The following NAV2 variants were observed in gnomAD, a reference collection of about 807,000 sequenced individuals.
NAV2 encodes the protein helicase, APC down-regulated 1.
A neutral mutation model predicts 223.2 loss-of-function variants in NAV2; 54 were observed. That is an observed-to-expected ratio of 0.24 (90% confidence interval 0.19 to 0.30). The LOEUF is 0.30. Among genes scored for constraint, NAV2 ranks in the 10% least tolerant of loss-of-function variants. The pLI, the probability that NAV2 is intolerant of heterozygous loss-of-function variation, is 1.00. For synonymous variants in NAV2, 1,279 were observed against 1,239.3 expected (o/e 1.03, Z -0.67); for missense variants, 2,806 against 3,147.5 (o/e 0.89, Z 2.60).
chr11:19,821,279 AAAAGAG>A (rs2059368475), intron 1 of NAV2, among the ~76,000 whole-genome samples: 1 of 150,524 alleles, frequency 6.6e-6, no homozygotes. Context: ...AAAAAAAAAA[AAAAGAG>A]GAAGCTCGTA....
intron 1 of NAV2, among the ~76,000 whole-genome samples, chr11:19,460,472 A>G (rs556544634): frequency 8.0e-4 from 122 of 152,254 alleles, no homozygotes; most frequent in Non-Finnish European, 1.5e-3. Flanking sequence ...AATAGTAGTT[A>G]TTAGATTTCA....
At chr11:19,356,225 G>C (rs1853606936) in intron 1 of NAV2, among the ~76,000 whole-genome samples, 1 of 152,200 alleles carries the variant, frequency 6.6e-6, no homozygotes, top group African/African-American at 2.4e-5. Context: ...ACTGTAGCCA[G>C]ATGCAACTCC....
rs114405969 is a variant in NAV2, at chr11:20,024,724, G to T, written c.2769-11235G>T. Reference sequence around the variant, plus strand: ...TTTTGGGAGATAGCCGCCTCCCTTGGCTGCCCTGGGGCAACTGTGGTTCTG... The same window carrying T: ...TTTTGGGAGATAGCCGCCTCCCTTGTCTGCCCTGGGGCAACTGTGGTTCTG... On this transcript the variant is annotated intron_variant, in intron 11 of 37. Coordinates refer to ENST00000349880, the MANE Select transcript of NAV2 (RefSeq NM_145117.5). Among the ~76,000 whole-genome samples, 621 of 152,308 alleles carry T rather than the reference G, an allele frequency of 4.1e-3. 1 individual carries two copies. Among genetic ancestry groups the T allele is most frequent in the African/African-American group, 0.014 (598 of 41,552 alleles).
Position 20,044,289 on chromosome 11 carries a change from G to C in NAV2, c.3199+17G>C, listed in dbSNP as rs780262195. On this transcript the variant is annotated intron_variant, in intron 13 of 37. Transcript: ENST00000349880. ...CAGGAACTGGTAAGAGGCCGGGGCT[G>C]TCTTGGCCCTACAGTTGACATTTTG... 1 of 1,593,732 alleles carries C rather than the reference G, an allele frequency of 6.3e-7. No individual in the cohort carries two copies. Among genetic ancestry groups the C allele is most frequent in the Non-Finnish European group, 8.6e-7 (1 of 1,166,196 alleles).
chr11:19,712,086 C>T (rs998436947), upstream of NAV2: 1 of 152,206 alleles, frequency 6.6e-6, no homozygotes, highest in Admixed American at 6.5e-5. Context: ...AGTCGAGGAA[C>T]CTGTTGGGGC....
At chr11:19,690,838 G>A (rs1192136419) in intron 1 of NAV2, among the ~76,000 whole-genome samples, 1 of 152,208 alleles carries the variant, frequency 6.6e-6, no homozygotes, top group Non-Finnish European at 1.5e-5. Context: ...AGAGGGGCCA[G>A]TGGCTTACCC....
intron 1 of NAV2, among the ~76,000 whole-genome samples, chr11:19,798,660 G>A (rs1270346818): frequency 6.6e-6 from 1 of 152,176 alleles, no homozygotes; most frequent in Admixed American, 6.5e-5. Flanking sequence ...AACTGATACC[G>A]TGTCAAATAC....
At position 19,581,767 on chromosome 11, in the gene NAV2, G is replaced by A. The variant is rs1189505838; in HGVS notation, c.75+230740G>A. Among the ~76,000 whole-genome samples, 6 of 152,086 alleles carry A rather than the reference G, an allele frequency of 3.9e-5. 1 individual carries two copies. Among genetic ancestry groups the A allele is most frequent in the South Asian group, 4.1e-4 (2 of 4,828 alleles). On this transcript the variant is annotated intron_variant, in intron 1 of 37. Transcript: ENST00000360655. Reference sequence around the variant, plus strand: ...CATTTTCTTAATCCAGTCTATCATCGTTGGACATTTGGGTTGGTTCCAAGT... The same window carrying A: ...CATTTTCTTAATCCAGTCTATCATCATTGGACATTTGGGTTGGTTCCAAGT...
intron 22 of NAV2, 89 bp downstream of exon 22, chr11:20,068,487 T>C (rs2059192698): frequency 1.1e-6 from 1 of 944,464 alleles, no homozygotes; most frequent in South Asian, 1.3e-5. Flanking sequence ...GCTGAACAAA[T>C]AGAAGTAGCA....
At chr11:20,108,659 C>T (rs964743237) in intron 36 of NAV2, among the ~76,000 whole-genome samples, 5 of 148,980 alleles carry the variant, frequency 3.4e-5, no homozygotes, top group African/African-American at 1.3e-4. Flanking sequence ...ACCATGTTGG[C>T]CAGGCTGGTC....
At chr11:19,598,875 T>C (rs978617098) in intron 1 of NAV2, among the ~76,000 whole-genome samples, 2 of 131,726 alleles carry the variant, frequency 1.5e-5, no homozygotes, top group Non-Finnish European at 2.9e-5. Context: ...ATACGTTCTT[T>C]TATGGCCTGT....
At chr11:19,724,005 C>G (rs925677197) in intron 1 of NAV2, among the ~76,000 whole-genome samples, 4 of 152,312 alleles carry the variant, frequency 2.6e-5, no homozygotes, top group Middle Eastern at 3.4e-3. Context: ...GGTGACAAAA[C>G]CAGATTTAGA....
intron 1 of NAV2, among the ~76,000 whole-genome samples, chr11:19,612,080 C>A (rs1336482764): frequency 1.3e-5 from 2 of 152,218 alleles, no homozygotes; most frequent in African/African-American, 4.8e-5. Context: ...TACATGGAAG[C>A]TGCCAAGGCT....
chr11:19,472,401 A>G (rs1158185431), intron 1 of NAV2, among the ~76,000 whole-genome samples: 1 of 152,180 alleles, frequency 6.6e-6, no homozygotes, highest in Non-Finnish European at 1.5e-5. Context: ...TGTCCCGAGA[A>G]TTCAGTAATT....
intron 5 of NAV2, among the ~76,000 whole-genome samples, chr11:19,882,187 TGGAA>T (rs1346874061): frequency 1.3e-5 from 2 of 152,150 alleles, no homozygotes; most frequent in Admixed American, 6.5e-5. Context: ...GGAGCAAGAA[TGGAA>T]GGAAGGACCT....
intron 1 of NAV2, among the ~76,000 whole-genome samples, chr11:19,535,953 C>T (rs2044174507): frequency 6.6e-6 from 1 of 152,062 alleles, no homozygotes; most frequent in African/African-American, 2.4e-5. Flanking sequence ...CATTAGGACC[C>T]AGTATCATAA....
chr11:19,918,082 C>T lies in NAV2; in HGVS notation c.932-15094C>T, dbSNP rs371562762. 4.6e-5 allele frequency among the ~76,000 whole-genome samples: 7 copies of T among 152,226 alleles called. No homozygotes were observed. The South Asian group carries it at 1.4e-3, about 31-fold the overall frequency. ...TGAATTTACTGTTGTGTAAAATAGG[C>T]TTGATAATCCCCTCTTCAGGGAGAG... On this transcript the variant is annotated intron_variant, in intron 6 of 37. Coordinates refer to ENST00000349880, the MANE Select transcript of NAV2 (RefSeq NM_145117.5).
chr11:19,861,960 G>A (rs2061819553), intron 3 of NAV2, among the ~76,000 whole-genome samples: 1 of 152,166 alleles, frequency 6.6e-6, no homozygotes, highest in South Asian at 2.1e-4. Flanking sequence ...AGCCTCCAGA[G>A]TAAGGATAGA....
chr11:19,785,619 AATAAG>A (rs1156671929), intron 1 of NAV2, among the ~76,000 whole-genome samples: 1 of 151,480 alleles, frequency 6.6e-6, no homozygotes, highest in Admixed American at 6.6e-5. Flanking sequence ...TTTGAAATTA[AATAAG>A]ATGAGTTTAT....
Sources: allele counts gnomAD v4.1 joint callset (sites outside exome capture counted in the v4.1 genomes callset), GRCh38; gene constraint gnomAD v4.1.1; transcripts MANE v1.5; gene names NCBI Gene and HGNC (gene_info 2026-07-23, HGNC 2026-07-21).